Variants in PLD5 observed in about 807,000 individuals in gnomAD.
PLD5 encodes the protein inactive phospholipase D5.
A neutral mutation model predicts 61.1 loss-of-function variants in PLD5; 36 were observed. That is an observed-to-expected ratio of 0.59 (90% CI 0.45 to 0.78). The LOEUF (loss-of-function observed/expected upper bound fraction) is 0.78, where lower values mean the gene tolerates loss of function less well. Ranked by LOEUF, PLD5 falls within the 30% of genes least tolerant of loss-of-function variation. The pLI, the probability that PLD5 is intolerant of heterozygous loss-of-function variation, is 0.00. For missense variants in PLD5, 515 were observed against 644.4 expected (o/e 0.80, Z 2.17); for synonymous variants, 243 against 242.8 (o/e 1.00, Z -0.01).
intron 5 of PLD5, among the ~76,000 whole-genome samples, chr1:242,213,821 T>C (rs1355548480): frequency 1.3e-5 from 2 of 150,372 alleles, no homozygotes; most frequent in Non-Finnish European, 2.9e-5. Context: ...GGAGGGTTAG[T>C]AGGACAGATG....
At chr1:242,305,591 G>C (rs1676302256) in intron 2 of PLD5, among the ~76,000 whole-genome samples, 1 of 151,806 alleles carries the variant, frequency 6.6e-6, no homozygotes, top group South Asian at 2.1e-4. Context: ...ACGGAGTCTT[G>C]CTCTGTCACC....
intron 5 of PLD5, among the ~76,000 whole-genome samples, chr1:242,131,087 C>G (rs775072970): frequency 1.3e-5 from 2 of 152,078 alleles, no homozygotes; most frequent in Non-Finnish European, 2.9e-5. Context: ...GGGCGGATCA[C>G]TAGATCAAGA....
intron 2 of PLD5, among the ~76,000 whole-genome samples, chr1:242,299,698 A>G (rs558817047): frequency 2.0e-5 from 3 of 152,264 alleles, no homozygotes; most frequent in Non-Finnish European, 4.4e-5. Context: ...GCTTTCTGTT[A>G]GGACGTATTC....
intron 1 of PLD5, among the ~76,000 whole-genome samples, chr1:242,466,794 G>A (rs1441821791): frequency 6.6e-6 from 1 of 152,062 alleles, no homozygotes; most frequent in African/African-American, 2.4e-5. Context: ...TGGGGAGGCT[G>A]AGGCAGGAGA....
chr1:242,115,132 T>G (rs965201435), intron 6 of PLD5, among the ~76,000 whole-genome samples: 2 of 151,872 alleles, frequency 1.3e-5, no homozygotes, highest in East Asian at 1.9e-4. Flanking sequence ...GAGCCGAGAT[T>G]GCATCACTGC....
At chr1:242,271,199 CACAGAGAGAGAGAGAGAGAG>C (rs1252199215) in intron 3 of PLD5, among the ~76,000 whole-genome samples, 3 of 13,232 alleles carry the variant, frequency 2.3e-4, no homozygotes, top group East Asian at 3.6e-3. Context: ...CACACACACA[CACAGAGAGAGAGAGAGAGAG>C]AGAGAGAGAG....
Position 242,393,513 on chromosome 1 carries a change from T to C in PLD5, c.190-45271A>G, listed in dbSNP as rs1199045383. 4.4e-3 allele frequency among the ~76,000 whole-genome samples: 2 copies of C among 456 alleles called. 1 individual carries two copies. The highest frequency in any genetic ancestry group is 1 in the Middle Eastern group (2 of 2). 0.3% of individuals were successfully genotyped at this position (456 alleles called of 152,430 possible). On this transcript the variant is annotated intron_variant, in intron 1 of 9. Coordinates refer to ENST00000536534, the MANE Select transcript of PLD5 (RefSeq NM_001372062.1). ...GTATATATATGTGTATATATGAGTA[T>C]ATATATATGTGTATATATGTGAGTA...
At chr1:242,207,920 A>ATTTATATATT in intron 5 of PLD5, among the ~76,000 whole-genome samples, 1 of 9,654 alleles carries the variant, frequency 1.0e-4, no homozygotes, top group South Asian at 0.017. Flanking sequence ...ATATTTATAT[A>ATTTATATATT]TTTATATATA....
At chr1:242,493,570 C>T (rs377419337) in intron 1 of PLD5, among the ~76,000 whole-genome samples, 39 of 152,244 alleles carry the variant, frequency 2.6e-4, no homozygotes, top group Admixed American at 1.4e-3. Context: ...CTGCCCTCGC[C>T]GCCACCTCCA....
At chr1:242,346,022 C>A (rs952066150) in intron 2 of PLD5, among the ~76,000 whole-genome samples, 4 of 81,928 alleles carry the variant, frequency 4.9e-5, no homozygotes, top group Non-Finnish European at 7.1e-5. Context: ...CTCCCCCCCC[C>A]CCATATATAC....
intron 1 of PLD5, among the ~76,000 whole-genome samples, chr1:242,490,910 T>C (rs1321126870): frequency 1.3e-5 from 2 of 152,170 alleles, no homozygotes; most frequent in Admixed American, 1.3e-4. Context: ...CCTTCCTGCT[T>C]CCTCTTTGTA....
At chr1:242,527,770 G>T (rs115879187), upstream of PLD5, among the ~76,000 whole-genome samples, 1 of 152,060 alleles carries the variant, frequency 6.6e-6, no homozygotes, top group African/African-American at 2.4e-5. Context: ...ACTGTTGTAG[G>T]GAAGAAAAAT....
intron 4 of PLD5, among the ~76,000 whole-genome samples, chr1:242,241,965 A>T: frequency 7.5e-6 from 1 of 133,716 alleles, no homozygotes; most frequent in Admixed American, 8.1e-5. Flanking sequence ...ATATATGCTT[A>T]CTTAAATATA....
rs71570946 is a variant in PLD5 at position 242,256,747 on chromosome 1, CATCTATCTATCTATCTATCT to C, written c.607+8570_607+8589del. Among the ~76,000 whole-genome samples the C allele has an allele frequency of 8.8e-4, 130 of 148,338 alleles. 1 individual carries two copies. The highest frequency in any genetic ancestry group is 2.4e-3 in the African/African-American group (97 of 40,264). On this transcript the variant is annotated intron_variant, in intron 4 of 9. Transcript: ENST00000536534. The surrounding 1 kb of genome is among the most constrained non-coding windows in gnomAD (Gnocchi z 5.7). The stretch of plus-strand genomic sequence containing the variant: ...AGCAGCACAAATGAACTAAGACTAT[CATCTATCTATCTATCTATCT>C]ATCTATCTATCTATCTATCTATCTA...
chr1:242,271,750 C>T (rs1245761818), intron 3 of PLD5, among the ~76,000 whole-genome samples: 3 of 152,078 alleles, frequency 2.0e-5, no homozygotes, highest in Admixed American at 6.6e-5. Context: ...GTAAATAACA[C>T]TGAACACCAT....
chr1:242,089,612 A>G lies in PLD5; in HGVS notation c.*242T>C, dbSNP rs1223920372. On this transcript the variant is annotated 3_prime_UTR_variant, in exon 10 of 10. Coordinates refer to ENST00000536534, the MANE Select transcript of PLD5 (RefSeq NM_001372062.1). ...AGTCTTAAAATTTGTATGCAAACGT[A>G]AAAACTAACTTCTACGCCAGAATGA... 1 of 573,692 alleles carries G rather than the reference A, an allele frequency of 1.7e-6. No individual in the cohort carries two copies. The highest frequency in any genetic ancestry group is 3.3e-5 in the Admixed American group (1 of 30,004). The allele number at this position is 573,692 out of a possible 1,614,324, so 35.5% of individuals were successfully genotyped here.
intron 5 of PLD5, among the ~76,000 whole-genome samples, chr1:242,180,316 A>G (rs1456011546): frequency 6.6e-6 from 1 of 152,166 alleles, no homozygotes; most frequent in Non-Finnish European, 1.5e-5. Context: ...TGTAGCTTTT[A>G]TTACATACTG....
At chr1:242,129,753 T>G (rs1663085930) in intron 5 of PLD5, among the ~76,000 whole-genome samples, 1 of 152,224 alleles carries the variant, frequency 6.6e-6, no homozygotes, top group Non-Finnish European at 1.5e-5. Context: ...CTGGATAGTA[T>G]ACATTGTACT....
chr1:242,434,728 C>T (rs1665902788), intron 1 of PLD5, among the ~76,000 whole-genome samples: 1 of 152,152 alleles, frequency 6.6e-6, no homozygotes, highest in Non-Finnish European at 1.5e-5. Context: ...ATTCTCCTGC[C>T]TCAGCCTCCC....
Sources: allele counts gnomAD v4.1 joint callset (sites outside exome capture counted in the v4.1 genomes callset), GRCh38; gene constraint gnomAD v4.1.1; non-coding constraint Gnocchi (gnomAD v3.1); transcripts MANE v1.5; gene names NCBI Gene and HGNC (gene_info 2026-07-23, HGNC 2026-07-21).